Variants in PRKCA observed in about 807,000 individuals in gnomAD.
The protein encoded by PRKCA is protein kinase C alpha type.
Under a neutral mutation model 87.0 loss-of-function variants are expected in PRKCA, and 27 were observed. The observed-to-expected ratio is 0.31, with a 90% confidence interval of 0.23 to 0.43. PRKCA has a LOEUF of 0.43. Among genes scored for constraint, PRKCA ranks in the 20% least tolerant of loss-of-function variants. PRKCA has a pLI of 1.00. For synonymous variants in PRKCA, 329 were observed against 311.1 expected (o/e 1.06, Z -0.61); for missense variants, 518 against 852.3 (o/e 0.61, Z 4.88).
chr17:66,313,571 G>A (rs1210864674), intron 2 of PRKCA, among the ~76,000 whole-genome samples: 3 of 152,148 alleles, frequency 2.0e-5, no homozygotes, highest in African/African-American at 7.2e-5. Context: ...ATAGCAGGAG[G>A]GGGAAAATGT....
intron 8 of PRKCA, among the ~76,000 whole-genome samples, chr17:66,699,655 A>T (rs994856045): frequency 6.6e-6 from 1 of 152,220 alleles, no homozygotes; most frequent in African/African-American, 2.4e-5. Context: ...TAGCACAATC[A>T]TAGCTCACTG....
At chr17:66,576,719 C>T (rs956899619) in intron 3 of PRKCA, among the ~76,000 whole-genome samples, 1 of 152,170 alleles carries the variant, frequency 6.6e-6, no homozygotes, top group Non-Finnish European at 1.5e-5. Context: ...GGAACACACA[C>T]AGAGCCAGCA....
intron 3 of PRKCA, among the ~76,000 whole-genome samples, chr17:66,545,320 T>G (rs973414407): frequency 6.6e-6 from 1 of 152,162 alleles, no homozygotes; most frequent in African/African-American, 2.4e-5. Context: ...TCCCAGCTAC[T>G]CAGGAGGCTG....
Position 66,587,590 on chromosome 17 carries a change from CAGAT to C in PRKCA, c.289-53752_289-53749del, listed in dbSNP as rs564818461. Among the ~76,000 whole-genome samples, 250 of 150,594 alleles carry C rather than the reference CAGAT, an allele frequency of 1.7e-3. 2 individuals carry two copies. Among genetic ancestry groups the C allele is most frequent in the African/African-American group, 4.4e-3 (179 of 40,954 alleles). ...ACAGATATATATATAGATAGATAGA[CAGAT>C]AGATAGATAGATTGATTGATTAGAT... is the stretch of plus-strand genomic sequence containing the variant. On this transcript the variant is annotated intron_variant, in intron 3 of 16. Coordinates refer to ENST00000413366, the MANE Select transcript of PRKCA (RefSeq NM_002737.3).
At chr17:66,399,306 C>G (rs1391348976) in intron 2 of PRKCA, among the ~76,000 whole-genome samples, 2 of 152,056 alleles carry the variant, frequency 1.3e-5, no homozygotes, top group African/African-American at 4.8e-5. Flanking sequence ...GTCTTGAACT[C>G]CTGAGCTCAA....
At chr17:66,473,848 C>CT (rs1915429732) in intron 2 of PRKCA, among the ~76,000 whole-genome samples, 1 of 152,024 alleles carries the variant, frequency 6.6e-6, no homozygotes, top group Non-Finnish European at 1.5e-5. Flanking sequence ...GCAGGAGAAT[C>CT]GCTTGAACCA....
At chr17:66,338,018 C>T (rs1056951741) in intron 2 of PRKCA, among the ~76,000 whole-genome samples, 68 of 150,480 alleles carry the variant, frequency 4.5e-4, no homozygotes, top group Admixed American at 9.2e-4. Flanking sequence ...CTCCGCCCCC[C>T]TTAATTTCCA....
intron 2 of PRKCA, among the ~76,000 whole-genome samples, 178 bp from the exon 3 acceptor site, chr17:66,496,023 T>G (rs1486622831): frequency 6.6e-6 from 1 of 152,190 alleles, no homozygotes; most frequent in African/African-American, 2.4e-5. Flanking sequence ...TATCTATGAG[T>G]CTAATCAATA....
At chr17:66,641,980 T>C (rs1353958138) in intron 4 of PRKCA, among the ~76,000 whole-genome samples, 1 of 152,310 alleles carries the variant, frequency 6.6e-6, no homozygotes, top group East Asian at 1.9e-4. Context: ...AGCATGTTTA[T>C]GGACGGATCA....
At chr17:66,303,426 G>A (rs1202200731) in intron 1 of PRKCA, among the ~76,000 whole-genome samples, 2 of 152,156 alleles carry the variant, frequency 1.3e-5, no homozygotes, top group Admixed American at 6.5e-5. Flanking sequence ...AACGCGCCCC[G>A]GAGTAACGGG....
At chr17:66,396,652 A>T in intron 2 of PRKCA, among the ~76,000 whole-genome samples, 1 of 135,920 alleles carries the variant, frequency 7.4e-6, no homozygotes. Flanking sequence ...TTTTCGTGAC[A>T]GAGTCTCGCT....
intron 3 of PRKCA, among the ~76,000 whole-genome samples, chr17:66,535,216 T>C (rs929702792): frequency 6.6e-6 from 1 of 151,766 alleles, no homozygotes; most frequent in African/African-American, 2.4e-5. Context: ...ATTCCCACTT[T>C]TAACCACCCT....
chr17:66,505,826 G>A (rs1224110353), intron 3 of PRKCA, among the ~76,000 whole-genome samples: 1 of 151,662 alleles, frequency 6.6e-6, no homozygotes, highest in African/African-American at 2.4e-5. Context: ...TAATGTCTCC[G>A]GGGCACTTTT....
At chr17:66,412,146 A>C (rs1322677862) in intron 2 of PRKCA, among the ~76,000 whole-genome samples, 3 of 151,962 alleles carry the variant, frequency 2.0e-5, no homozygotes, top group Admixed American at 6.6e-5. Flanking sequence ...ATCACTGCTC[A>C]CTGCAGCCTT....
chr17:66,536,667 CAAT>C (rs1967796359), intron 3 of PRKCA, among the ~76,000 whole-genome samples: 1 of 152,150 alleles, frequency 6.6e-6, no homozygotes, highest in Non-Finnish European at 1.5e-5. Context: ...TAGAAGCTAT[CAAT>C]GATGGTGGTT....
intron 3 of PRKCA, among the ~76,000 whole-genome samples, chr17:66,605,344 T>C (rs1970174442): frequency 6.6e-6 from 1 of 152,174 alleles, no homozygotes; most frequent in Non-Finnish European, 1.5e-5. Flanking sequence ...CATTAGAACA[T>C]GATTTCCATG....
intron 2 of PRKCA, among the ~76,000 whole-genome samples, chr17:66,354,280 A>C (rs370093277): frequency 6.6e-6 from 1 of 152,186 alleles, no homozygotes; most frequent in South Asian, 2.1e-4. Flanking sequence ...GTTATGAGTC[A>C]TGTACATTTA....
chr17:66,652,329 C>T (rs1427976193), intron 5 of PRKCA, among the ~76,000 whole-genome samples: 1 of 152,082 alleles, frequency 6.6e-6, no homozygotes, highest in Non-Finnish European at 1.5e-5. Context: ...TGGTTGGATC[C>T]TGGATCCAAG....
At chr17:66,458,501 A>G (rs1367354364) in intron 2 of PRKCA, among the ~76,000 whole-genome samples, 1 of 149,484 alleles carries the variant, frequency 6.7e-6, no homozygotes, top group Admixed American at 6.6e-5. Context: ...TTTTTTTGAG[A>G]CGGGGTTTCT....
Sources: gnomAD v4.1 joint callset for allele counts (sites outside exome capture counted in the v4.1 genomes callset) on GRCh38, gnomAD v4.1.1 for gene constraint, MANE v1.5 for transcripts, NCBI Gene and HGNC (gene_info 2026-07-23, HGNC 2026-07-21) for gene names.